MTRES1: variants seen among roughly 807,000 people sequenced by gnomAD.
MTRES1 encodes the protein mitochondrial transcription rescue factor 1.
Under a neutral mutation model 17.4 loss-of-function variants are expected in MTRES1, and 11 were observed. The observed-to-expected ratio is 0.63, with a 90% confidence interval of 0.40 to 1.05. The LOEUF is 1.05. MTRES1 is among the 50% of genes least tolerant of loss of function. The pLI, the probability that MTRES1 is intolerant of heterozygous loss-of-function variation, is 0.00. For missense variants in MTRES1, 268 were observed against 276.2 expected, an observed-to-expected ratio of 0.97 and a Z score of 0.21; for synonymous variants, 94 against 99.6, an observed-to-expected ratio of 0.94 and a Z score of 0.34.
At chr6:107,043,956 GTC>G (rs1774305338) in intron 2 of MTRES1, among the ~76,000 whole-genome samples, 1 of 152,178 alleles carries the variant, frequency 6.6e-6, no homozygotes, top group African/African-American at 2.4e-5. Context: ...GTGAAACCCT[GTC>G]TCTACTAAAA....
intron 2 of MTRES1, 127 bp from the exon 3 acceptor site, chr6:107,044,132 CA>C: frequency 2.8e-4 from 184 of 647,842 alleles, no homozygotes; most frequent in South Asian, 3.8e-4. Flanking sequence ...AAAAAACAAA[CA>C]AAAAAAATAG....
intron 1 of MTRES1, among the ~76,000 whole-genome samples, chr6:107,036,403 C>T (rs151141408): frequency 6.6e-6 from 1 of 151,886 alleles, no homozygotes; most frequent in Non-Finnish European, 1.5e-5. Flanking sequence ...ATTAGCCAGA[C>T]GTGGTAGCGC....
Position 107,051,452 on chromosome 6 carries a change from G to A in MTRES1, c.*216G>A, listed in dbSNP as rs1356297713. 33 of 390,292 alleles carry A rather than the reference G, an allele frequency of 8.5e-5. 2 individuals are homozygous for A. The highest frequency in any genetic ancestry group is 1.4e-4 in the Non-Finnish European group (29 of 214,724). The allele number at this position is 390,292 out of a possible 1,614,324, so 24.2% of individuals were successfully genotyped here. A position where few individuals can be genotyped will look rare whatever the true frequency, so the allele number is the denominator to read the frequency against. ...TGATCCATGCTCCTTTGACCTCCTC[G>A]TGTGAGAACCCCTTTGCCAGAGTGA... On this transcript the variant is annotated 3_prime_UTR_variant, in exon 4 of 4. Transcript: ENST00000311381.
At chr6:107,049,562 C>T (rs186993902) in intron 3 of MTRES1, among the ~76,000 whole-genome samples, 7 of 151,576 alleles carry the variant, frequency 4.6e-5, no homozygotes, top group South Asian at 2.1e-4. Context: ...TACAGGCGCC[C>T]GCCACCACAC....
intron 1 of MTRES1, chr6:107,030,130 G>A (rs1554226261): frequency 2.8e-6 from 2 of 718,542 alleles, no homozygotes; most frequent in South Asian, 1.5e-5. Context: ...TTAAGGGGAG[G>A]ATGCCAGTGT....
At chr6:107,048,115 G>A (rs1235340210) in intron 3 of MTRES1, among the ~76,000 whole-genome samples, 1 of 152,018 alleles carries the variant, frequency 6.6e-6, no homozygotes, top group Non-Finnish European at 1.5e-5. Context: ...ATACCAAAAA[G>A]GTAAAGCAGA....
chr6:107,036,465 C>A (rs1369752176), intron 1 of MTRES1, among the ~76,000 whole-genome samples: 1 of 151,782 alleles, frequency 6.6e-6, no homozygotes, highest in Non-Finnish European at 1.5e-5. Flanking sequence ...ATCACTTGAA[C>A]CCAGGAGGCA....
At chr6:107,033,244 C>CA (rs1270598672) in intron 1 of MTRES1, among the ~76,000 whole-genome samples, 6 of 151,980 alleles carry the variant, frequency 3.9e-5, no homozygotes, top group African/African-American at 1.2e-4. Flanking sequence ...TCAAAAGTAA[C>CA]AAAAAAATGT....
Position 107,039,730 on chromosome 6 carries a change from GATTT to G in MTRES1, c.-12-15_-12-12del, listed in dbSNP as rs1222606103. On this transcript the variant is annotated splice_polypyrimidine_tract_variant and intron_variant, in intron 1 of 3. Transcript: ENST00000311381. ...GACACTGCACTTGTGAGATAAAACT[GATTT>G]ATTATCTGTTTCAGATTATAAGCGC... The G allele has an allele frequency of 5.7e-6, 9 of 1,570,246 alleles. No homozygotes were observed. Among genetic ancestry groups the G allele is most frequent in the Admixed American group, 2.0e-5 (1 of 49,252 alleles).
chr6:107,043,237 G>A (rs1774279234), intron 2 of MTRES1, among the ~76,000 whole-genome samples: 1 of 152,050 alleles, frequency 6.6e-6, no homozygotes. Flanking sequence ...AGGAGGCTGA[G>A]GCAGGAGAAT....
chr6:107,048,203 C>T lies in MTRES1; in HGVS notation c.544-2854C>T, dbSNP rs71574218. 1.6e-3 allele frequency among the ~76,000 whole-genome samples: 248 copies of T among 152,134 alleles called. 1 individual carries two copies. The highest frequency in any genetic ancestry group is 5.4e-3 in the African/African-American group (225 of 41,544). ...AGGCTGGAGTGCAATGGCACGATCT[C>T]GGCTCACTGCAACCTCTGCCTCCCA... On this transcript the variant is annotated intron_variant, in intron 3 of 3. Coordinates refer to ENST00000311381, the MANE Select transcript of MTRES1 (RefSeq NM_016487.5).
intron 1 of MTRES1, among the ~76,000 whole-genome samples, chr6:107,037,021 C>T (rs1180201673): frequency 1.4e-4 from 22 of 152,116 alleles, no homozygotes; most frequent in African/African-American, 5.3e-4. Context: ...CTCAAGCAGT[C>T]CTCCTGCCTC....
intron 3 of MTRES1, among the ~76,000 whole-genome samples, chr6:107,044,878 C>T (rs1157780727): frequency 1.3e-5 from 2 of 152,160 alleles, no homozygotes; most frequent in Non-Finnish European, 2.9e-5. Context: ...CCAGTCTCCA[C>T]TTTTCTAACA....
intron 1 of MTRES1, among the ~76,000 whole-genome samples, chr6:107,036,173 G>A (rs1370526412): frequency 1.3e-5 from 2 of 152,078 alleles, no homozygotes; most frequent in African/African-American, 4.8e-5. Context: ...CTGTGACAAA[G>A]TTTTCCTAGA....
intron 2 of MTRES1, 112 bp downstream of exon 2, chr6:107,040,342 C>G: frequency 2.2e-6 from 2 of 894,906 alleles, no homozygotes; most frequent in Non-Finnish European, 3.2e-6. Flanking sequence ...AATAAAAGGA[C>G]CTTTGTAGGT....
intron 3 of MTRES1, among the ~76,000 whole-genome samples, chr6:107,048,376 AC>A (rs1377052368): frequency 6.6e-6 from 1 of 151,576 alleles, no homozygotes; most frequent in Non-Finnish European, 1.5e-5. Context: ...CTCGTGATCC[AC>A]CCTCAGCCTC....
intron 1 of MTRES1, chr6:107,030,049 A>T (rs1318344784): frequency 1.4e-6 from 1 of 718,106 alleles, no homozygotes; most frequent in African/African-American, 1.7e-5. Flanking sequence ...AAGAATAGGA[A>T]TCTTCGTATT....
chr6:107,041,535 G>C (rs1419884518), intron 2 of MTRES1, among the ~76,000 whole-genome samples: 1 of 151,470 alleles, frequency 6.6e-6, no homozygotes, highest in African/African-American at 2.4e-5. Context: ...TTTGTTTTTT[G>C]CTTTTTTTGA....
chr6:107,028,548 CAGG>C (rs1773715999), intron 1 of MTRES1: 1 of 152,206 alleles, frequency 6.6e-6, no homozygotes, highest in Non-Finnish European at 1.5e-5. Flanking sequence ...CTTGGGGACC[CAGG>C]AAGGTGCACT....
Sources: allele counts gnomAD v4.1 joint callset (sites outside exome capture counted in the v4.1 genomes callset), GRCh38; gene constraint gnomAD v4.1.1; transcripts MANE v1.5; gene names NCBI Gene and HGNC (gene_info 2026-07-23, HGNC 2026-07-21).